PDE1C: variants seen among roughly 807,000 people sequenced by gnomAD.
PDE1C encodes the protein dual specificity calcium/calmodulin-dependent 3',5'-cyclic nucleotide phosphodiesterase 1C.
A neutral mutation model predicts 93.1 loss-of-function variants in PDE1C; 62 were observed. The ratio of observed to expected loss-of-function variants is 0.67; its 90% CI spans 0.54 to 0.82. PDE1C has a LOEUF of 0.82. PDE1C is among the 40% of genes least tolerant of loss of function. The pLI is 0.00. For missense variants in PDE1C, 742 were observed against 884.6 expected, an observed-to-expected ratio of 0.84 and a Z score of 2.04; for synonymous variants, 325 against 310.1, an observed-to-expected ratio of 1.05 and a Z score of -0.50.
At chr7:31,960,411 A>G (rs1471991047) in intron 2 of PDE1C, among the ~76,000 whole-genome samples, 2 of 152,202 alleles carry the variant, frequency 1.3e-5, no homozygotes, top group Non-Finnish European at 2.9e-5. Context: ...ATATTCTACA[A>G]AATAACTAGT....
the PDE1C span, among the ~76,000 whole-genome samples, chr7:31,741,774 C>T: frequency 5.1e-4 from 77 of 152,266 alleles, no homozygotes; most frequent in Non-Finnish European, 9.3e-4. Flanking sequence ...TGAAGACAAG[C>T]TTTGGTATGA....
At chr7:31,901,021 A>T (rs962071192) in intron 2 of PDE1C, among the ~76,000 whole-genome samples, 19 of 151,886 alleles carry the variant, frequency 1.3e-4, no homozygotes, top group African/African-American at 4.6e-4. Context: ...TTTTTAAATG[A>T]TAAAGAATAC....
At chr7:31,710,342 C>A in the PDE1C span, among the ~76,000 whole-genome samples, 13 of 152,194 alleles carry the variant, frequency 8.5e-5, no homozygotes, top group African/African-American at 3.1e-4. Flanking sequence ...ACTTGGCGCT[C>A]TTTCAAAAGC....
At chr7:31,652,636 C>T in the PDE1C span, 47 of 1,613,786 alleles carry the variant, frequency 2.9e-5, no homozygotes, top group South Asian at 3.3e-4. Flanking sequence ...GGCATGGCCC[C>T]GAGGACTGTG....
At chr7:31,907,100 T>G (rs2128930455) in intron 2 of PDE1C, among the ~76,000 whole-genome samples, 1 of 152,002 alleles carries the variant, frequency 6.6e-6, no homozygotes, top group African/African-American at 2.4e-5. Flanking sequence ...TGTGTGTGTT[T>G]CTTACCTCAG....
the PDE1C span, among the ~76,000 whole-genome samples, chr7:31,679,327 T>G: frequency 6.6e-6 from 1 of 152,182 alleles, no homozygotes; most frequent in Non-Finnish European, 1.5e-5. Flanking sequence ...ATATGAGGCA[T>G]GTAATTTTCT....
At chr7:32,285,318 A>T (rs1350603092) in intron 1 of PDE1C, among the ~76,000 whole-genome samples, 1 of 152,186 alleles carries the variant, frequency 6.6e-6, no homozygotes, top group African/African-American at 2.4e-5. Context: ...TTATACAATA[A>T]TTTACCATAC....
chr7:32,155,128 A>G (rs1459232478), intron 3 of PDE1C, among the ~76,000 whole-genome samples: 1 of 152,210 alleles, frequency 6.6e-6, no homozygotes, highest in Admixed American at 6.5e-5. Context: ...CCACAGCAGC[A>G]TCAAAACCAG....
In PDE1C at chr7:31,768,462, T is replaced by C. The variant is rs184911936; in HGVS notation, c.1960+7202A>G. On this transcript the variant is annotated intron_variant, in intron 17 of 17. Coordinates refer to ENST00000396191, the MANE Select transcript of PDE1C (RefSeq NM_001191057.4). ...ACATTGGGGATTGGATTTTAACATA[T>C]GAATTTGGTGGGAACACAAATATTC... Among the ~76,000 whole-genome samples the C allele has an allele frequency of 5.3e-5, 8 of 152,338 alleles. No homozygotes were observed. In the East Asian group the frequency reaches 1.2e-3, roughly 22 times the overall value.
intron 7 of PDE1C, among the ~76,000 whole-genome samples, chr7:31,856,136 G>A (rs1051124853): frequency 4.6e-5 from 7 of 152,158 alleles, no homozygotes; most frequent in Non-Finnish European, 8.8e-5. Flanking sequence ...CTTTATCAAT[G>A]GGTTGTTTTG....
intron 1 of PDE1C, among the ~76,000 whole-genome samples, chr7:32,253,615 G>A (rs540445671): frequency 3.9e-5 from 6 of 152,204 alleles, no homozygotes; most frequent in Non-Finnish European, 8.8e-5. Context: ...GGGAAAGAGA[G>A]GATTCAGGGA....
chr7:32,227,997 C>G (rs888601223), intron 1 of PDE1C, among the ~76,000 whole-genome samples: 4 of 152,244 alleles, frequency 2.6e-5, no homozygotes, highest in Admixed American at 6.5e-5. Flanking sequence ...GCAGCCCTGG[C>G]TGATATCTCA....
chr7:31,976,516 T>C (rs1230432611), intron 2 of PDE1C, among the ~76,000 whole-genome samples: 3 of 152,206 alleles, frequency 2.0e-5, no homozygotes, highest in African/African-American at 4.8e-5. Flanking sequence ...TGGTTTCTAT[T>C]AAATAGGTGA....
chr7:32,405,725 C>T (rs960097808), intron 1 of PDE1C, among the ~76,000 whole-genome samples: 6 of 152,124 alleles, frequency 3.9e-5, no homozygotes, highest in African/African-American at 1.4e-4. Context: ...AGCAGTGTCC[C>T]CTCACCCCTG....
intron 2 of PDE1C, among the ~76,000 whole-genome samples, chr7:32,193,617 T>C (rs1261311425): frequency 6.6e-6 from 1 of 152,176 alleles, no homozygotes; most frequent in African/African-American, 2.4e-5. Context: ...TTTCTCTTTT[T>C]GTACTGTCTT....
intron 13 of PDE1C, 34 bp from the exon 14 acceptor site, chr7:31,823,282 G>A (rs1789224316): frequency 6.4e-7 from 1 of 1,571,566 alleles, no homozygotes. Context: ...AAAGAAGAGA[G>A]TTAGTGTTTG....
chr7:31,643,286 C>G, the PDE1C span: 8 of 1,613,832 alleles, frequency 5.0e-6, no homozygotes, highest in Non-Finnish European at 6.8e-6. Context: ...CCAGAAAGCT[C>G]ATCACAGTGT....
chr7:32,340,746 G>A (rs1783731941), intron 1 of PDE1C, among the ~76,000 whole-genome samples: 1 of 152,100 alleles, frequency 6.6e-6, no homozygotes, highest in African/African-American at 2.4e-5. Context: ...ATATGAAAAT[G>A]CTAAATACTA....
the PDE1C span, among the ~76,000 whole-genome samples, chr7:31,727,928 T>C: frequency 4.6e-5 from 7 of 151,998 alleles, no homozygotes; most frequent in Non-Finnish European, 7.4e-5. Flanking sequence ...CCTATATTCC[T>C]CACTACTTGG....
Sources: gnomAD v4.1 joint callset for allele counts (sites outside exome capture counted in the v4.1 genomes callset) on GRCh38, gnomAD v4.1.1 for gene constraint, MANE v1.5 for transcripts, NCBI Gene and HGNC (gene_info 2026-07-23, HGNC 2026-07-21) for gene names.